GAA: variants seen among roughly 807,000 people sequenced by gnomAD.
GAA encodes the protein alpha glucosidase.
Under a neutral mutation model 103.9 loss-of-function variants are expected in GAA, and 88 were observed. The ratio of observed to expected loss-of-function variants is 0.85; its 90% CI spans 0.71 to 1.01. GAA has a LOEUF of 1.01. GAA is among the 50% of genes least tolerant of loss of function. The pLI is 0.00. For missense variants in GAA, 1,350 were observed against 1,305.3 expected, an observed-to-expected ratio of 1.03 and a Z score of -0.53; for synonymous variants, 572 against 563.1, an observed-to-expected ratio of 1.02 and a Z score of -0.22.
chr17:80,106,568 G>C lies in GAA; in HGVS notation c.692+674G>C, dbSNP rs8078350. ...ACCAGCTGTGCAGATGCAGGGGACA[G>C]GGGTGGCCTCTCTGAGCTGACCTCT... On this transcript the variant is annotated intron_variant, in intron 3 of 19. Transcript: ENST00000302262. Among the ~76,000 whole-genome samples, 99,521 of 151,990 alleles carry C rather than the reference G, an allele frequency of 0.65. 33,439 individuals are homozygous for C. The highest frequency in any genetic ancestry group is 0.85 in the Middle Eastern group (250 of 294).
At chr17:80,119,187 G>C in intron 19 of GAA, 85 bp from the exon 20 acceptor site, 1 of 1,325,770 alleles carries the variant, frequency 7.5e-7, no homozygotes, top group Non-Finnish European at 1.1e-6. Flanking sequence ...GGGATCTCGG[G>C]GCCAGATGGA....
At chr17:80,118,450 T>C in intron 18 of GAA, 93 bp downstream of exon 18, 1 of 1,479,350 alleles carries the variant, frequency 6.8e-7, no homozygotes, top group Middle Eastern at 1.9e-4. Context: ...CCACGATGGC[T>C]ACCTGCCACT....
At chr17:80,106,678 G>A (rs1011851945) in intron 3 of GAA, among the ~76,000 whole-genome samples, 1 of 152,228 alleles carries the variant, frequency 6.6e-6, no homozygotes, top group Non-Finnish European at 1.5e-5. Flanking sequence ...AGCACTTTGG[G>A]AGGCCAAGGC....
chr17:80,107,960 G>A, intron 5 of GAA, 64 bp downstream of exon 5: 3 of 1,474,698 alleles, frequency 2.0e-6, no homozygotes, highest in Non-Finnish European at 1.9e-6. Context: ...CCTGGAGACT[G>A]GAGGTCCGCA....
rs1381815995 is a variant in GAA, at chr17:80,119,400, C to T, written c.*69C>T. The T allele has an allele frequency of 1.5e-6, 2 of 1,378,482 alleles. No individual in the cohort carries two copies. Among genetic ancestry groups the T allele is most frequent in the Non-Finnish European group, 2.1e-6 (2 of 966,350 alleles). The allele number at this position is 1,378,482 out of a possible 1,614,324, so 85.4% of individuals were successfully genotyped here. ...CAGGGAAGCAGAGCCTGTGTGCGGG[C>T]AGCAGCTGTGTGCGGGCCTGGGGGT... is the stretch of plus-strand genomic sequence containing the variant. On this transcript the variant is annotated 3_prime_UTR_variant, in exon 20 of 20. Coordinates refer to ENST00000302262, the MANE Select transcript of GAA (RefSeq NM_000152.5).
chr17:80,113,342 C>T lies in GAA; in HGVS notation c.2165C>T (p.Thr722Ile). 6.3e-7 allele frequency: 1 copy of T among 1,589,954 alleles called. No homozygotes were observed. Among genetic ancestry groups the T allele is most frequent in the Non-Finnish European group, 8.6e-7 (1 of 1,167,290 alleles). ...CACCAGGCCCACGTCGCGGGGGAGA[C>T]CGTGGCCCGGCCCCTCTTCCTGGAG... is the stretch of plus-strand genomic sequence containing the variant. ...LFHQAHVAGETVARPLFLEFP... is the reference protein window; with the variant it reads ...LFHQAHVAGEIVARPLFLEFP... The change falls in exon 15 of 20, where the codon ACC (threonine) becomes ATC (isoleucine). Residue 722 changes from threonine to isoleucine, a missense_variant. By Grantham distance (89) the Thr-to-Ile change is moderately conservative. Transcript: ENST00000302262.
Position 80,109,959 on chromosome 17 carries a change from C to T in GAA, c.1341C>T (p.Ser447=). The change falls in exon 9 of 20, where the codon AGC becomes AGT. Residue 447 remains serine (S), a synonymous_variant. Coordinates refer to ENST00000302262, the MANE Select transcript of GAA (RefSeq NM_000152.5). ...RYMMIVDPAI[S]SSGPAGSYRP... ...CCTCTTCCCAGGATCCTGCCATCAGCAGCTCGGGCCCTGCCGGGAGCTACA... is the reference window on the plus strand; with the variant it reads ...CCTCTTCCCAGGATCCTGCCATCAGTAGCTCGGGCCCTGCCGGGAGCTACA... 4 of 1,613,218 alleles carry T rather than the reference C, an allele frequency of 2.5e-6. No individual in the cohort carries two copies. The highest frequency in any genetic ancestry group is 3.4e-6 in the Non-Finnish European group (4 of 1,179,798).
At position 80,119,644 on chromosome 17, in the gene GAA, C is replaced by G. The variant is rs926145648; in HGVS notation, c.*313C>G. 1.1e-4 allele frequency: 43 copies of G among 390,588 alleles called. No individual in the cohort carries two copies. The highest frequency in any genetic ancestry group is 8.3e-5 in the African/African-American group (4 of 48,046). The allele number at this position is 390,588 out of a possible 1,614,324, so 24.2% of individuals were successfully genotyped here. A position where few individuals can be genotyped will look rare whatever the true frequency, so the allele number is the denominator to read the frequency against. On this transcript the variant is annotated 3_prime_UTR_variant, in exon 20 of 20. Coordinates refer to ENST00000302262, the MANE Select transcript of GAA (RefSeq NM_000152.5). ...GCATGCGGGTAGTATTAGCCACCCC[C>G]CTCCATCTGTTCCCAGCACCGGAGA...
At position 80,108,842 on chromosome 17, in the gene GAA, C is replaced by A; in HGVS notation, c.1326+14C>A. On this transcript the variant is annotated intron_variant, in intron 8 of 19. Transcript: ENST00000302262. Reference sequence around the variant, plus strand: ...ATGATGATCGTGGTGTGTGCCCCCACACTGTGGGTCTTTGGGAAGGGGGCC... The same window carrying A: ...ATGATGATCGTGGTGTGTGCCCCCAAACTGTGGGTCTTTGGGAAGGGGGCC... The A allele has an allele frequency of 6.3e-7, 1 of 1,577,094 alleles. No homozygotes were observed. The highest frequency in any genetic ancestry group is 2.3e-5 in the East Asian group (1 of 42,888).
In GAA at chr17:80,108,779, C is replaced by A; in HGVS notation, c.1277C>A (p.Ala426Asp). 3 of 1,608,900 alleles carry A rather than the reference C, an allele frequency of 1.9e-6. No individual in the cohort carries two copies. Among genetic ancestry groups the A allele is most frequent in the Non-Finnish European group, 2.5e-6 (3 of 1,178,138 alleles). ...FNKDGFRDFP[A>D]MVQELHQGGR... ...AAGGATGGCTTCCGGGACTTCCCGG[C>A]CATGGTGCAGGAGCTGCACCAGGGC... Residue 426 changes from alanine to aspartate, a missense_variant, in exon 8 of 20, where the codon GCC becomes GAC. Ala to Asp is a moderately radical substitution (Grantham distance 126, BLOSUM62 -2). Transcript: ENST00000302262.
intron 15 of GAA, among the ~76,000 whole-genome samples, chr17:80,114,309 T>G (rs1480050765): frequency 2.6e-5 from 4 of 152,164 alleles, no homozygotes. Context: ...GAACACTGTT[T>G]GCAAAACAGG....
intron 3 of GAA, 125 bp from the exon 4 acceptor site, chr17:80,107,432 G>A: frequency 8.0e-7 from 1 of 1,243,564 alleles, no homozygotes; most frequent in South Asian, 1.2e-5. Context: ...GGGTCAGTGT[G>A]CTGCAGGGCT....
intron 13 of GAA, 50 bp from the exon 14 acceptor site, chr17:80,112,826 G>C: frequency 6.3e-7 from 1 of 1,589,006 alleles, no homozygotes; most frequent in Non-Finnish European, 8.6e-7. Context: ...CTTGGCCTGA[G>C]CTGGCTCTGC....
At chr17:80,117,200 C>A in intron 16 of GAA, 91 bp downstream of exon 16, 2 of 1,405,174 alleles carry the variant, frequency 1.4e-6, no homozygotes, top group Non-Finnish European at 2.0e-6. Context: ...GACCAGGTGG[C>A]GGAAAGAGGA....
chr17:80,107,512 T>G (rs2039114123), intron 3 of GAA, 45 bp from the exon 4 acceptor site: 1 of 1,611,986 alleles, frequency 6.2e-7, no homozygotes, highest in Non-Finnish European at 8.5e-7. Flanking sequence ...CAGGCTCGTG[T>G]GGCCCCTTGG....
At chr17:80,113,406 T>TG (rs2039294157) in intron 15 of GAA, 40 bp downstream of exon 15, 1 of 1,496,224 alleles carries the variant, frequency 6.7e-7, no homozygotes. Flanking sequence ...ATGTGTGCCC[T>TG]GGGGGAGGGG....
rs572293131 is a variant in GAA at position 80,111,033 on chromosome 17, C to T, written c.1636+8C>T. On this transcript the variant is annotated splice_region_variant and intron_variant, in intron 11 of 19. Transcript: ENST00000302262. ...ACCCACCCTACGTGCCTGGTCAGCT[C>T]GCCCCCCACCTACCCTGGGGACTTA... 4.5e-5 allele frequency: 72 copies of T among 1,613,078 alleles called. No individual in the cohort carries two copies. Among genetic ancestry groups the T allele is most frequent in the Non-Finnish European group, 5.7e-5 (67 of 1,179,596 alleles).
intron 3 of GAA, among the ~76,000 whole-genome samples, chr17:80,106,820 G>A (rs1336902023): frequency 6.6e-6 from 1 of 152,224 alleles, no homozygotes. Context: ...TACTCAGGAG[G>A]CTGAGGCAAG....
At chr17:80,117,570 C>G in intron 16 of GAA, 30 bp from the exon 17 acceptor site, 1 of 1,612,706 alleles carries the variant, frequency 6.2e-7, no homozygotes, top group South Asian at 1.1e-5. Context: ...CGGCACGGCC[C>G]AGAATCCTCA....
Sources: allele counts gnomAD v4.1 joint callset (sites outside exome capture counted in the v4.1 genomes callset), GRCh38; gene constraint gnomAD v4.1.1; transcripts MANE v1.5; gene names NCBI Gene and HGNC (gene_info 2026-07-23, HGNC 2026-07-21).